ITIH4: variants seen among roughly 807,000 people sequenced by gnomAD.
ITIH4 encodes the protein inter-alpha-trypsin inhibitor heavy chain H4.
Under a neutral mutation model 111.8 loss-of-function variants are expected in ITIH4, and 79 were observed. The observed-to-expected ratio is 0.71, with a 90% CI of 0.59 to 0.85. The LOEUF (loss-of-function observed/expected upper bound fraction) is 0.85, where lower values mean the gene tolerates loss of function less well. ITIH4 is among the 40% of genes least tolerant of loss of function. The pLI is 0.00. For synonymous variants in ITIH4, 472 were observed against 468.3 expected, an observed-to-expected ratio of 1.01 and a Z score of -0.10; for missense variants, 1,065 against 1,195.8, an observed-to-expected ratio of 0.89 and a Z score of 1.61.
intron 14 of ITIH4, 139 bp from the exon 15 acceptor site, chr3:52,820,129 CAG>C: frequency 7.8e-7 from 1 of 1,279,078 alleles, no homozygotes; most frequent in Non-Finnish European, 1.1e-6. Flanking sequence ...CTAAATGCAC[CAG>C]CATGCTGGGT....
Position 52,819,927 on chromosome 3 carries a change from C to G in ITIH4, c.1912+13G>C. ...CTGTCAATCTCCCCTCCCCCCACCT[C>G]CTACTTTGTCACCTGGTTTTGGTAT... On this transcript the variant is annotated intron_variant, in intron 15 of 23. Transcript: ENST00000266041. 1 of 1,613,366 alleles carries G rather than the reference C, an allele frequency of 6.2e-7. No homozygotes were observed. Among genetic ancestry groups the G allele is most frequent in the Non-Finnish European group, 8.5e-7 (1 of 1,179,268 alleles).
intron 2 of ITIH4, among the ~76,000 whole-genome samples, chr3:52,827,949 G>C (rs753457594): frequency 6.6e-6 from 1 of 152,228 alleles, no homozygotes; most frequent in Non-Finnish European, 1.5e-5. Flanking sequence ...GTGTGTGGCA[G>C]TGGGCAGGAG....
chr3:52,829,906 C>T, intron 1 of ITIH4: 1 of 190,094 alleles, frequency 5.3e-6, no homozygotes, highest in South Asian at 1.1e-4. Context: ...GGGCACTCCC[C>T]TAGCAGGTGC....
At chr3:52,819,186 G>A (rs1482339562) in intron 17 of ITIH4, 5 of 575,050 alleles carry the variant, frequency 8.7e-6, no homozygotes, top group South Asian at 6.0e-5. Flanking sequence ...GGAAGGCGAG[G>A]ACAGCCTCCT....
chr3:52,818,234 G>T (rs1196704184), intron 19 of ITIH4, 23 bp downstream of exon 19: 1 of 1,585,096 alleles, frequency 6.3e-7, no homozygotes, highest in African/African-American at 1.4e-5. Context: ...TGTGGAAAGG[G>T]GCCAAGGGGG....
At chr3:52,821,898 C>T (rs1247165348) in intron 11 of ITIH4, among the ~76,000 whole-genome samples, 4 of 152,212 alleles carry the variant, frequency 2.6e-5, no homozygotes, top group Non-Finnish European at 4.4e-5. Flanking sequence ...CTGTCTCTCG[C>T]CCAGAGCCTG....
rs1438689044 is a variant in ITIH4, at chr3:52,816,988, G to A, written c.2367C>T (p.Asn789=). ...GGGATGCGTGAACCCATACCAGGGG[G>A]TTCTTGAAGGTCACTTCGATCCATG... ...GFSWIEVTFK[N]PLVWVHASPE... is the part of the protein sequence containing the mutation. The change falls in exon 21 of 24, where the codon AAC becomes AAT. Residue 789 remains asparagine (N), a synonymous_variant. Coordinates refer to ENST00000266041, the MANE Select transcript of ITIH4 (RefSeq NM_002218.5). 1.2e-6 allele frequency: 2 copies of A among 1,613,854 alleles called. No homozygotes were observed. The highest frequency in any genetic ancestry group is 2.7e-5 in the African/African-American group (2 of 74,924).
At chr3:52,820,583 G>T in intron 13 of ITIH4, 48 bp downstream of exon 13, 1 of 1,568,824 alleles carries the variant, frequency 6.4e-7, no homozygotes, top group Non-Finnish European at 8.7e-7. Context: ...AGAACGCTGG[G>T]TCCAAACTCT....
At chr3:52,818,405 G>A (rs1328573015) in intron 18 of ITIH4, 57 bp downstream of exon 18, 1 of 1,576,636 alleles carries the variant, frequency 6.3e-7, no homozygotes, top group Non-Finnish European at 8.7e-7. Context: ...ACATGTGACA[G>A]GTCACTCCCC....
chr3:52,820,632 G>A lies in ITIH4; in HGVS notation c.1833C>T (p.Gly611=), dbSNP rs1432349656. Residue 611 remains glycine (G), a splice_region_variant and synonymous_variant, in exon 13 of 24, where the codon GGC becomes GGT. Transcript: ENST00000266041. ...CTGAGATCTCAACCCCACACCCACC[G>A]CCTTCCATGGGCTTCTCAGCAACTT... ...QSQVAEKPME[G]ESRNRNVHSG... 9 of 1,606,820 alleles carry A rather than the reference G, an allele frequency of 5.6e-6. No individual in the cohort carries two copies. Among genetic ancestry groups the A allele is most frequent in the South Asian group, 1.1e-5 (1 of 90,408 alleles).
chr3:52,824,923 G>C lies in ITIH4; in HGVS notation c.795C>G (p.Pro265=). The change falls in exon 7 of 24, where the codon CCC becomes CCG. Residue 265 remains proline (P), a synonymous_variant. Transcript: ENST00000266041. This position sits in a 1 kb window ranked among gnomAD's most constrained non-coding sequence, Gnocchi z 4.3. ...ENGYFVHYFA[P]EGLTTMPKNV... ...TCTTGGGCATTGTGGTTAGGCCCTCGGGGGCAAAGTAGTGTACAAAGTAGC... is the reference window on the plus strand; with the variant it reads ...TCTTGGGCATTGTGGTTAGGCCCTCCGGGGCAAAGTAGTGTACAAAGTAGC... The C allele has an allele frequency of 6.2e-7, 1 of 1,613,792 alleles. No individual in the cohort carries two copies. Among genetic ancestry groups the C allele is most frequent in the Non-Finnish European group, 8.5e-7 (1 of 1,179,832 alleles).
chr3:52,818,086 C>G lies in ITIH4; in HGVS notation c.2262G>C (p.Gln754His). 6.2e-7 allele frequency: 1 copy of G among 1,613,778 alleles called. No homozygotes were observed. Among genetic ancestry groups the G allele is most frequent in the Non-Finnish European group, 8.5e-7 (1 of 1,180,008 alleles). ...GGTCTGAGAGCAGGTTCACTGGCCC[C>G]TGGCGGTGTCTGGGGTCCACACAGA... ...ERLCVDPRHR[Q>H]GPVNLLSDPE... Residue 754 changes from glutamine to histidine, a missense_variant, in exon 20 of 24, where the codon CAG becomes CAC. Physicochemically the swap from Gln to His is conservative, Grantham distance 24 (BLOSUM62 0). Coordinates refer to ENST00000266041, the MANE Select transcript of ITIH4 (RefSeq NM_002218.5).
intron 1 of ITIH4, 104 bp from the exon 2 acceptor site, chr3:52,829,383 T>C: frequency 7.9e-7 from 1 of 1,267,516 alleles, no homozygotes; most frequent in Non-Finnish European, 1.1e-6. Context: ...GACCAAACCC[T>C]GGCTCCCAAT....
chr3:52,827,271 G>C, intron 2 of ITIH4, 74 bp from the exon 3 acceptor site: 27 of 1,221,402 alleles, frequency 2.2e-5, no homozygotes, highest in Non-Finnish European at 3.2e-5. Flanking sequence ...CCTCCAGAGA[G>C]CCTTTCTGGA....
At chr3:52,819,112 G>C (rs2154111290) in intron 17 of ITIH4, 1 of 425,714 alleles carries the variant, frequency 2.3e-6, no homozygotes, top group East Asian at 5.0e-5. Flanking sequence ...AAAGGACCCG[G>C]GTGAGCTCGC....
chr3:52,813,436 C>T lies in ITIH4; in HGVS notation c.2778G>A (p.Trp926Ter). ...EGPPGVEISC[W>*]SVEL ...TCCATCAGAACTACAGCTCCACAGA[C>T]CAGCAGGAAATCTCCACTCCCGGGG... Residue 926 changes from tryptophan to a stop codon, truncating the protein, a stop_gained, in exon 24 of 24, where the codon TGG becomes TGA. Transcript: ENST00000266041. LOFTEE classifies it high-confidence loss of function. The T allele has an allele frequency of 6.2e-7, 1 of 1,614,118 alleles. No individual in the cohort carries two copies. The highest frequency in any genetic ancestry group is 8.5e-7 in the Non-Finnish European group (1 of 1,179,996).
At chr3:52,818,782 G>C in intron 17 of ITIH4, 1 of 544,152 alleles carries the variant, frequency 1.8e-6, no homozygotes, top group Non-Finnish European at 3.3e-6. Flanking sequence ...ACCTCTGTTG[G>C]CTTTCTGAAC....
chr3:52,817,603 C>A (rs1441218689), intron 20 of ITIH4, among the ~76,000 whole-genome samples: 2 of 152,172 alleles, frequency 1.3e-5, no homozygotes, highest in East Asian at 1.9e-4. Context: ...CCAGCCAGCA[C>A]CCCTGTCTCT....
At chr3:52,823,487 A>T in intron 11 of ITIH4, 69 bp downstream of exon 11, 1 of 1,354,330 alleles carries the variant, frequency 7.4e-7, no homozygotes, top group Non-Finnish European at 1.0e-6. Flanking sequence ...CTGGGATTTG[A>T]GTCCAGCCCC....
Sources: allele counts gnomAD v4.1 joint callset (sites outside exome capture counted in the v4.1 genomes callset), GRCh38; gene constraint gnomAD v4.1.1; non-coding constraint Gnocchi (gnomAD v3.1); transcripts MANE v1.5; gene names NCBI Gene and HGNC (gene_info 2026-07-23, HGNC 2026-07-21).